Variants in FREM1 observed in about 807,000 individuals in gnomAD.
The protein encoded by FREM1 is FRAS1 related extracellular matrix 1, also known as FRAS1-related extracellular matrix protein 1.
A neutral mutation model predicts 210.1 loss-of-function variants in FREM1; 220 were observed. The observed-to-expected ratio is 1.05, with a 90% CI of 0.94 to 1.17. FREM1 has a LOEUF of 1.17. Ranked by LOEUF, FREM1 falls within the 50% of genes most tolerant of loss-of-function variation. The pLI is 0.00. For synonymous variants in FREM1, 1,189 were observed against 980.2 expected (o/e 1.21, Z -3.98); for missense variants, 3,454 against 2,675.5 (o/e 1.29, Z -6.42).
chr9:14,802,934 T>G (rs946958778), intron 19 of FREM1, among the ~76,000 whole-genome samples: 3 of 152,214 alleles, frequency 2.0e-5, no homozygotes, highest in Non-Finnish European at 4.4e-5. Flanking sequence ...CAATTAAGCC[T>G]TGAAGGACAT....
At chr9:14,817,566 T>C (rs1820529811) in intron 14 of FREM1, among the ~76,000 whole-genome samples, 1 of 152,210 alleles carries the variant, frequency 6.6e-6, no homozygotes, top group Admixed American at 6.5e-5. Flanking sequence ...GCAGTGATGC[T>C]TGGAAAGTTC....
chr9:14,750,417 T>A (rs1292233058), intron 29 of FREM1, 141 bp from the exon 30 acceptor site: 1 of 595,934 alleles, frequency 1.7e-6, no homozygotes, highest in African/African-American at 1.9e-5. Flanking sequence ...CTCACTGAAG[T>A]CCTGCTGTTC....
Position 14,819,372 on chromosome 9 carries a change from G to C in FREM1, c.2408C>G (p.Ser803Cys), listed in dbSNP as rs7023244. The change falls in exon 14 of 37, where the codon TCT becomes TGT. Residue 803 changes from serine to cysteine, a missense_variant. Physicochemically the swap from Ser to Cys is moderately radical, Grantham distance 112. Coordinates refer to ENST00000380880, the MANE Select transcript of FREM1 (RefSeq NM_001379081.2). ...ATTGTCCAGCTTGGTATCTGCATCA[G>C]AAATTAGAATGTGCTCTGTGCTGAT... ...SIISTEHILI[S>C]DADTKLDNID... 6 of 1,613,218 alleles carry C rather than the reference G, an allele frequency of 3.7e-6. No individual in the cohort carries two copies. The African/African-American group carries it at 6.7e-5, about 18-fold the overall frequency.
intron 1 of FREM1, among the ~76,000 whole-genome samples, chr9:14,872,168 T>G (rs962492739): frequency 1.3e-5 from 2 of 152,196 alleles, no homozygotes; most frequent in African/African-American, 4.8e-5. Context: ...TTTGGTTCCA[T>G]ATGAACTTTA....
At chr9:14,740,049 C>T in intron 36 of FREM1, 100 bp downstream of exon 36, 1 of 660,468 alleles carries the variant, frequency 1.5e-6, no homozygotes, top group East Asian at 2.7e-5. Flanking sequence ...TTGTAAACCA[C>T]TATCATTTAA....
At chr9:14,833,929 G>A (rs1045389185) in intron 10 of FREM1, among the ~76,000 whole-genome samples, 9 of 152,126 alleles carry the variant, frequency 5.9e-5, no homozygotes, top group South Asian at 4.1e-4. Flanking sequence ...CACAGACCCC[G>A]TTTTGTGGGG....
chr9:14,737,583 T>C lies in FREM1; in HGVS notation c.6353A>G (p.Gln2118Arg). The change falls in exon 37 of 37, where the codon CAA becomes CGA. Residue 2118 changes from glutamine (Q) to arginine (R), a missense_variant. Gln to Arg is a conservative substitution (Grantham distance 43). Transcript: ENST00000380880. ...RKSFWIGLND[Q>R]VHAGHWEWIG... ...CCACTCCCAGTGGCCAGCATGCACTTGGTCGTTCAAACCTAATGTGAACCA... is the reference window on the plus strand; with the variant it reads ...CCACTCCCAGTGGCCAGCATGCACTCGGTCGTTCAAACCTAATGTGAACCA... 6.4e-7 allele frequency: 1 copy of C among 1,570,326 alleles called. No homozygotes were observed. Among genetic ancestry groups the C allele is most frequent in the East Asian group, 2.3e-5 (1 of 44,014 alleles).
chr9:14,833,920 A>G (rs1047524855), intron 10 of FREM1, among the ~76,000 whole-genome samples: 8 of 152,156 alleles, frequency 5.3e-5, no homozygotes, highest in Non-Finnish European at 1.2e-4. Context: ...AGGAGGTGCC[A>G]CAGACCCCGT....
chr9:14,825,130 G>T, intron 10 of FREM1, 138 bp from the exon 11 acceptor site: 1 of 593,018 alleles, frequency 1.7e-6, no homozygotes, highest in Non-Finnish European at 2.8e-6. Context: ...TGATTCAGGA[G>T]CTATTAAGAA....
chr9:14,809,134 C>T (rs1294348417), intron 16 of FREM1, among the ~76,000 whole-genome samples: 1 of 152,086 alleles, frequency 6.6e-6, no homozygotes, highest in Non-Finnish European at 1.5e-5. Flanking sequence ...TCATGAGATC[C>T]AATGGTTTTA....
chr9:14,862,963 A>C (rs1486921803), intron 3 of FREM1, among the ~76,000 whole-genome samples: 2 of 152,116 alleles, frequency 1.3e-5, no homozygotes, highest in Non-Finnish European at 2.9e-5. Flanking sequence ...GTAAAACATA[A>C]GTTTTCATTT....
At chr9:14,888,061 G>A (rs905513852) in intron 1 of FREM1, among the ~76,000 whole-genome samples, 4 of 152,126 alleles carry the variant, frequency 2.6e-5, no homozygotes, top group Admixed American at 2.0e-4. Context: ...GCCTCCCAAA[G>A]TGCTGGGATT....
chr9:14,883,983 C>A (rs1258331267), intron 1 of FREM1, among the ~76,000 whole-genome samples: 1 of 152,106 alleles, frequency 6.6e-6, no homozygotes, highest in Non-Finnish European at 1.5e-5. Flanking sequence ...AATCCTGGCG[C>A]TTTGGGAGGC....
In FREM1 at chr9:14,775,867, G is replaced by C. The variant is rs764365821; in HGVS notation, c.4779C>G (p.Phe1593Leu). ...GGDSQTDCFT[F>L]MATDGTNQGF... ...CTTGGTTTGTCCCATCTGTGGCCAT[G>C]AAAGTAAAGCAGTCAGTCTGGGAGT... The change falls in exon 25 of 37, where the codon TTC becomes TTG. Residue 1593 changes from phenylalanine to leucine, a missense_variant. Coordinates refer to ENST00000380880, the MANE Select transcript of FREM1 (RefSeq NM_001379081.2). 6.8e-6 allele frequency: 11 copies of C among 1,613,852 alleles called. No homozygotes were observed. Among genetic ancestry groups the C allele is most frequent in the Non-Finnish European group, 8.5e-6 (10 of 1,179,832 alleles).
At chr9:14,905,070 A>C (rs1403781259) in intron 1 of FREM1, among the ~76,000 whole-genome samples, 3 of 151,930 alleles carry the variant, frequency 2.0e-5, no homozygotes, top group Non-Finnish European at 4.4e-5. Context: ...ATCTATAAGC[A>C]TTTTGTCATT....
Position 14,797,511 on chromosome 9 carries a change from G to GT in FREM1, c.3825dup (p.Pro1276ThrfsTer8). The GT allele has an allele frequency of 6.2e-7, 1 of 1,608,470 alleles. No homozygotes were observed. ...CAGGTAGCTTACTTGCTCAGCATTG[G>GT]TTTTTCATCATTAACTGGGATGACC... On this transcript the variant is annotated frameshift_variant, in exon 21 of 37. Coordinates refer to ENST00000380880, the MANE Select transcript of FREM1 (RefSeq NM_001379081.2). LOFTEE classifies it high-confidence loss of function.
intron 1 of FREM1, among the ~76,000 whole-genome samples, chr9:14,890,613 A>G (rs552014704): frequency 6.6e-6 from 1 of 152,324 alleles, no homozygotes; most frequent in Non-Finnish European, 1.5e-5. Context: ...TAAAATGACT[A>G]AAATATAGAA....
chr9:14,792,914 TA>T, intron 21 of FREM1, 30 bp from the exon 22 acceptor site: 1 of 1,489,260 alleles, frequency 6.7e-7, no homozygotes, highest in Non-Finnish European at 9.1e-7. Flanking sequence ...TGGGTTGATA[TA>T]AAAATAGAAG....
intron 16 of FREM1, 125 bp downstream of exon 16, chr9:14,812,687 T>C (rs1037095621): frequency 2.1e-6 from 2 of 945,886 alleles, no homozygotes; most frequent in Non-Finnish European, 3.1e-6. Context: ...GAGGCCAGGC[T>C]GCAGCTGCTT....
Sources: gnomAD v4.1 joint callset for allele counts (sites outside exome capture counted in the v4.1 genomes callset) on GRCh38, gnomAD v4.1.1 for gene constraint, MANE v1.5 for transcripts, NCBI Gene and HGNC (gene_info 2026-07-23, HGNC 2026-07-21) for gene names.